Variants in OR52A5 observed in about 807,000 individuals in gnomAD.
The protein encoded by OR52A5 is olfactory receptor family 52 subfamily A member 5.
In OR52A5, 16 loss-of-function variants were observed where a neutral mutation model predicts 18.2. That is an observed-to-expected ratio of 0.88 (90% CI 0.60 to 1.34). OR52A5 has a LOEUF of 1.34. Ranked by LOEUF, OR52A5 falls within the 40% of genes most tolerant of loss-of-function variation. The pLI, the probability that OR52A5 is intolerant of heterozygous loss-of-function variation, is 0.00. For synonymous variants in OR52A5, 140 were observed against 137.2 expected (o/e 1.02, Z -0.14); for missense variants, 418 against 383.0 (o/e 1.09, Z -0.76).
Position 5,132,168 on chromosome 11 carries a change from T to C in OR52A5, c.475A>G (p.Ile159Val), listed in dbSNP as rs374607924. 2.5e-6 allele frequency: 4 copies of C among 1,613,990 alleles called. No homozygotes were observed. Among genetic ancestry groups the C allele is most frequent in the Non-Finnish European group, 3.4e-6 (4 of 1,180,008 alleles). Residue 159 changes from isoleucine (I) to valine (V), a missense_variant, in exon 2 of 2, where the codon ATA (isoleucine) becomes GTA (valine). Transcript: ENST00000307388. ...CATTTGATGAGCCCTAAGGAAGGTATTATAAGAATGGCAGCCCTGAGTGTC... is the reference window on the plus strand; with the variant it reads ...CATTTGATGAGCCCTAAGGAAGGTACTATAAGAATGGCAGCCCTGAGTGTC... The part of the protein sequence containing the change: ...GVTLRAAILI[I>V]PSLGLIKCCL...
rs568470639 is a variant in OR52A5 at position 5,133,397 on chromosome 11, C to T, written c.-60-695G>A. ...AAAAAAAAAAAAAAAAGAAAGGATC[C>T]ACAGTGCTGTAGACCATTCTGGTCA... On this transcript the variant is annotated intron_variant, in intron 1 of 1. Transcript: ENST00000307388. Among the ~76,000 whole-genome samples, 461 of 148,090 alleles carry T rather than the reference C, an allele frequency of 3.1e-3. 4 individuals are homozygous for T. The highest frequency in any genetic ancestry group is 0.011 in the African/African-American group (441 of 40,502).
Position 5,130,555 on chromosome 11 carries a change from GTTGTT to G in OR52A5, c.*1132_*1136del, listed in dbSNP as rs1465518228. On this transcript the variant is annotated 3_prime_UTR_variant, in exon 2 of 2. Transcript: ENST00000307388. ...AATATGTCTGCCTATCAACTAACAT[GTTGTT>G]TTATCTTTTGTCATGTATTTTTGAT... 2 of 151,918 alleles carry G rather than the reference GTTGTT, an allele frequency of 1.3e-5. No individual in the cohort carries two copies. Among genetic ancestry groups the G allele is most frequent in the East Asian group, 1.9e-4 (1 of 5,168 alleles). The allele number at this position is 151,918 out of a possible 1,614,324, so 9.4% of individuals were successfully genotyped here.
chr11:5,130,052 G>T lies in OR52A5; in HGVS notation c.*1640C>A, dbSNP rs913886619. The T allele has an allele frequency of 2.0e-5, 3 of 151,032 alleles. No individual in the cohort carries two copies. The highest frequency in any genetic ancestry group is 2.1e-4 in the South Asian group (1 of 4,780). The allele number at this position is 151,032 out of a possible 1,614,324, so 9.4% of individuals were successfully genotyped here. ...AATGTGCATTTTTAAGATCTTTGTT[G>T]TTTGTCTTCCCTCATACTCCAGAGA... is the stretch of plus-strand genomic sequence containing the variant. On this transcript the variant is annotated 3_prime_UTR_variant, in exon 2 of 2. Coordinates refer to ENST00000307388, the MANE Select transcript of OR52A5 (RefSeq NM_001005160.3).
Position 5,132,188 on chromosome 11 carries a change from A to C in OR52A5, c.455T>G (p.Leu152Arg). The change falls in exon 2 of 2, where the codon CTC becomes CGC. Residue 152 changes from leucine (L) to arginine (R), a missense_variant. Leu to Arg is a moderately radical substitution (Grantham distance 102, BLOSUM62 -2). Coordinates refer to ENST00000307388, the MANE Select transcript of OR52A5 (RefSeq NM_001005160.3). ...FLTHIGLGVTLRAAILIIPSL... is the reference protein window; with the variant it reads ...FLTHIGLGVTRRAAILIIPSL... ...AGGTATTATAAGAATGGCAGCCCTG[A>C]GTGTCACCCCAAGTCCAATATGAGT... 1 of 1,614,144 alleles carries C rather than the reference A, an allele frequency of 6.2e-7. No individual in the cohort carries two copies. The highest frequency in any genetic ancestry group is 1.3e-5 in the African/African-American group (1 of 75,042).
At chr11:5,137,850 T>A (rs1049737471) in intron 1 of OR52A5, among the ~76,000 whole-genome samples, 8 of 152,212 alleles carry the variant, frequency 5.3e-5, no homozygotes, top group Non-Finnish European at 1.0e-4. Context: ...CACAATCCAT[T>A]TCAAATATTG....
chr11:5,137,941 A>G (rs1222636542), intron 1 of OR52A5, among the ~76,000 whole-genome samples: 2 of 152,186 alleles, frequency 1.3e-5, no homozygotes, highest in African/African-American at 4.8e-5. Context: ...AAATAACTTC[A>G]CATATTTGAT....
chr11:5,135,740 C>T (rs1846387471), intron 1 of OR52A5, among the ~76,000 whole-genome samples: 1 of 152,138 alleles, frequency 6.6e-6, no homozygotes, highest in Non-Finnish European at 1.5e-5. Context: ...TTAAACCTAC[C>T]TACAAACCTG....
At position 5,131,268 on chromosome 11, in the gene OR52A5, A is replaced by T. The variant is rs12282896; in HGVS notation, c.*424T>A. 4,336 of 153,616 alleles carry T rather than the reference A, an allele frequency of 0.028. 134 individuals carry two copies. The highest frequency in any genetic ancestry group is 0.079 in the African/African-American group (3,266 of 41,540). The allele number at this position is 153,616 out of a possible 1,614,324, so 9.5% of individuals were successfully genotyped here. A position where few individuals can be genotyped will look rare whatever the true frequency, so the allele number is the denominator to read the frequency against. On this transcript the variant is annotated 3_prime_UTR_variant, in exon 2 of 2. Coordinates refer to ENST00000307388, the MANE Select transcript of OR52A5 (RefSeq NM_001005160.3). ...AACTCAAGTTAGGTAAAAATCAATA[A>T]AATTGTGTGGTTCTAGAAGGATATT...
At chr11:5,135,370 T>C (rs139302489) in intron 1 of OR52A5, among the ~76,000 whole-genome samples, 40 of 152,310 alleles carry the variant, frequency 2.6e-4, no homozygotes, top group African/African-American at 9.4e-4. Context: ...ACACGTTTAT[T>C]ATATGCTACC....
chr11:5,134,939 G>A (rs753094049), intron 1 of OR52A5, among the ~76,000 whole-genome samples: 1 of 151,816 alleles, frequency 6.6e-6, no homozygotes, highest in Non-Finnish European at 1.5e-5. Flanking sequence ...GCACGATCTC[G>A]GCTCACTGCA....
Position 5,130,449 on chromosome 11 carries a change from A to G in OR52A5, c.*1243T>C, listed in dbSNP as rs1179867668. 1 of 151,966 alleles carries G rather than the reference A, an allele frequency of 6.6e-6. No individual in the cohort carries two copies. The highest frequency in any genetic ancestry group is 1.5e-5 in the Non-Finnish European group (1 of 67,940). The allele number at this position is 151,966 out of a possible 1,614,324, so 9.4% of individuals were successfully genotyped here. On this transcript the variant is annotated 3_prime_UTR_variant, in exon 2 of 2. Transcript: ENST00000307388. Reference sequence around the variant, plus strand: ...ATTCTGCGTTATTAATGGCACAACCACTGAAATATTTAATGCTCTAATCCA... The same window carrying G: ...ATTCTGCGTTATTAATGGCACAACCGCTGAAATATTTAATGCTCTAATCCA...
chr11:5,137,133 T>C (rs1329687223), intron 1 of OR52A5, among the ~76,000 whole-genome samples: 1 of 152,206 alleles, frequency 6.6e-6, no homozygotes, highest in Non-Finnish European at 1.5e-5. Flanking sequence ...AGGCAAAACA[T>C]GTTCTTGGAC....
Position 5,130,595 on chromosome 11 carries a change from A to G in OR52A5, c.*1097T>C, listed in dbSNP as rs1846327306. 6.6e-6 allele frequency: 1 copy of G among 152,098 alleles called. No homozygotes were observed. The highest frequency in any genetic ancestry group is 2.4e-5 in the African/African-American group (1 of 41,448). The allele number at this position is 152,098 out of a possible 1,614,324, so 9.4% of individuals were successfully genotyped here. ...GTCATGTATTTTTGATTCTTTCTAA[A>G]TATAATGTTTACATAAACTTTATTA... is the stretch of plus-strand genomic sequence containing the variant. On this transcript the variant is annotated 3_prime_UTR_variant, in exon 2 of 2. Transcript: ENST00000307388.
chr11:5,136,799 A>G (rs1346243705), intron 1 of OR52A5, among the ~76,000 whole-genome samples: 1 of 152,244 alleles, frequency 6.6e-6, no homozygotes, highest in East Asian at 1.9e-4. Flanking sequence ...ATATTTTACT[A>G]CATAAATTCA....
chr11:5,133,363 C>CAAAAAAAAAAAAAAA (rs745895019), intron 1 of OR52A5, among the ~76,000 whole-genome samples: 1 of 62,408 alleles, frequency 1.6e-5, no homozygotes, highest in Non-Finnish European at 2.9e-5. Flanking sequence ...GCGAGACTGT[C>CAAAAAAAAAAAAAAA]AAAAAAAAAA....
At chr11:5,136,739 G>T (rs1415666506) in intron 1 of OR52A5, among the ~76,000 whole-genome samples, 1 of 152,092 alleles carries the variant, frequency 6.6e-6, no homozygotes, top group Non-Finnish European at 1.5e-5. Context: ...AAAATAGTTT[G>T]TATAAAATCA....
At chr11:5,133,471 CT>C (rs1208873917) in intron 1 of OR52A5, among the ~76,000 whole-genome samples, 2 of 144,410 alleles carry the variant, frequency 1.4e-5, no homozygotes, top group African/African-American at 5.0e-5. Context: ...TTGAAATCCA[CT>C]GGCTGTTTTT....
intron 1 of OR52A5, among the ~76,000 whole-genome samples, chr11:5,135,845 AC>A (rs750596393): frequency 1.6e-4 from 24 of 152,092 alleles, no homozygotes; most frequent in Non-Finnish European, 2.9e-4. Flanking sequence ...ACCAAGGTAC[AC>A]CCAGACTACC....
chr11:5,136,907 G>C (rs1288794730), intron 1 of OR52A5, among the ~76,000 whole-genome samples: 1 of 152,176 alleles, frequency 6.6e-6, no homozygotes, highest in Non-Finnish European at 1.5e-5. Flanking sequence ...GTAAGTGATA[G>C]GCCAGACCTT....
Sources: gnomAD v4.1 joint callset for allele counts (sites outside exome capture counted in the v4.1 genomes callset) on GRCh38, gnomAD v4.1.1 for gene constraint, MANE v1.5 for transcripts, NCBI Gene and HGNC (gene_info 2026-07-23, HGNC 2026-07-21) for gene names.